The following DPY19L1 variants were observed in gnomAD, a reference collection of about 807,000 sequenced individuals.
The protein encoded by DPY19L1 is protein C-mannosyl-transferase DPY19L1.
A neutral mutation model predicts 96.9 loss-of-function variants in DPY19L1; 35 were observed. The observed-to-expected ratio is 0.36, with a 90% CI of 0.28 to 0.48. The LOEUF is 0.48. Ranked by LOEUF, DPY19L1 falls within the 20% of genes least tolerant of loss-of-function variation. The pLI is 0.99. For missense variants in DPY19L1, 521 were observed against 777.9 expected (o/e 0.67, Z 3.93); for synonymous variants, 205 against 252.6 (o/e 0.81, Z 1.79).
At chr7:34,973,689 T>G in intron 7 of DPY19L1, 84 bp from the exon 8 acceptor site, 1 of 682,936 alleles carries the variant, frequency 1.5e-6, no homozygotes, top group Admixed American at 4.3e-5. Context: ...TAAATAAAAT[T>G]ATTTTTAACA....
At chr7:35,009,923 A>G (rs1785662306) in intron 6 of DPY19L1, among the ~76,000 whole-genome samples, 1 of 152,160 alleles carries the variant, frequency 6.6e-6, no homozygotes, top group African/African-American at 2.4e-5. Context: ...CTTATGTTCA[A>G]ATGCCTATGA....
intron 7 of DPY19L1, among the ~76,000 whole-genome samples, chr7:34,982,949 T>C (rs1342967963): frequency 6.6e-6 from 1 of 152,140 alleles, no homozygotes; most frequent in Non-Finnish European, 1.5e-5. Context: ...CCCTTCCCAG[T>C]TTAAAGAATG....
In DPY19L1 at chr7:34,929,808, A is replaced by G. The variant is rs889055229; in HGVS notation, c.*1765T>C. 3.3e-5 allele frequency: 5 copies of G among 152,186 alleles called. No individual in the cohort carries two copies. Among genetic ancestry groups the G allele is most frequent in the African/African-American group, 1.2e-4 (5 of 41,446 alleles). The allele number at this position is 152,186 out of a possible 1,614,324, so 9.4% of individuals were successfully genotyped here. On this transcript the variant is annotated 3_prime_UTR_variant, in exon 22 of 22. Coordinates refer to ENST00000638088, the MANE Select transcript of DPY19L1 (RefSeq NM_001366673.1). ...GCTTCCCTATTTTCTAAAACTAGCA[A>G]AAGCCTAAGAAATAAAAACAGTCAA...
At chr7:34,965,146 T>A (rs1279551544) in intron 10 of DPY19L1, among the ~76,000 whole-genome samples, 1 of 152,156 alleles carries the variant, frequency 6.6e-6, no homozygotes, top group Non-Finnish European at 1.5e-5. Context: ...GTAAATACCC[T>A]AGAGAAACTC....
Position 34,966,978 on chromosome 7 carries a change from T to G in DPY19L1, c.1015-7A>C, listed in dbSNP as rs754139244. On this transcript the variant is annotated splice_polypyrimidine_tract_variant and splice_region_variant and intron_variant, in intron 9 of 21. Coordinates refer to ENST00000638088, the MANE Select transcript of DPY19L1 (RefSeq NM_001366673.1). ...CTGCAAATAATGATGCAATCTGAAA[T>G]TTAAAAAGAAATTAGAAGTAAAAAA... 52 of 1,514,014 alleles carry G rather than the reference T, an allele frequency of 3.4e-5. No individual in the cohort carries two copies. In the South Asian group the frequency reaches 5.8e-4, roughly 17 times the overall value. The allele number at this position is 1,514,014 out of a possible 1,614,324, so 93.8% of individuals were successfully genotyped here.
At chr7:34,940,700 G>T in intron 18 of DPY19L1, 1 of 171,246 alleles carries the variant, frequency 5.8e-6, no homozygotes. Flanking sequence ...TGAATGTGAG[G>T]TCCTGTGTGA....
intron 3 of DPY19L1, 94 bp downstream of exon 3, chr7:35,017,788 T>C: frequency 9.1e-6 from 9 of 986,800 alleles, no homozygotes; most frequent in Non-Finnish European, 1.3e-5. Context: ...CTACTCTTTC[T>C]ACTTTGGAAC....
chr7:35,022,905 T>C (rs1194274548), intron 1 of DPY19L1, among the ~76,000 whole-genome samples: 2 of 152,144 alleles, frequency 1.3e-5, no homozygotes, highest in African/African-American at 2.4e-5. Context: ...CAGGTCCCGG[T>C]CCCGGACGCC....
chr7:34,953,630 G>A (rs752040206), intron 13 of DPY19L1, among the ~76,000 whole-genome samples: 14 of 152,020 alleles, frequency 9.2e-5, no homozygotes, highest in East Asian at 1.9e-4. Flanking sequence ...CCTATTTTCC[G>A]AATTTTCCGC....
rs765954842 is a variant in DPY19L1, at chr7:34,966,933, A to T, written c.1053T>A (p.Ile351=). 4.5e-6 allele frequency: 7 copies of T among 1,546,690 alleles called. No homozygotes were observed. The Admixed American group carries it at 1.5e-4, about 33-fold the overall frequency. Residue 351 remains isoleucine (I), a synonymous_variant, in exon 10 of 22, where the codon ATT becomes ATA. Transcript: ENST00000638088. Reference sequence around the variant, plus strand: ...TGATCTTCCGTAATTTACATATATCAATGTACCCGACAACATATACTGCAA... The same window carrying T: ...TGATCTTCCGTAATTTACATATATCTATGTACCCGACAACATATACTGCAA... ...SLFAVYVVGY[I]DICKLRKIIY...
chr7:34,977,941 A>G (rs1436718381), intron 7 of DPY19L1, among the ~76,000 whole-genome samples: 1 of 152,148 alleles, frequency 6.6e-6, no homozygotes, highest in Admixed American at 6.5e-5. Flanking sequence ...TTTAGCACAC[A>G]TTTCATAACA....
intron 4 of DPY19L1, among the ~76,000 whole-genome samples, chr7:35,012,964 A>T (rs552102511): frequency 8.7e-5 from 13 of 149,674 alleles, no homozygotes; most frequent in South Asian, 6.3e-4. Context: ...TATATATATA[A>T]AATCAATGAA....
At chr7:34,977,703 T>C (rs1294893064) in intron 7 of DPY19L1, among the ~76,000 whole-genome samples, 1 of 152,224 alleles carries the variant, frequency 6.6e-6, no homozygotes, top group Non-Finnish European at 1.5e-5. Flanking sequence ...AAATATTTTT[T>C]CTTTATCTCA....
chr7:34,971,772 G>C (rs546824473), intron 8 of DPY19L1, among the ~76,000 whole-genome samples: 4 of 152,120 alleles, frequency 2.6e-5, no homozygotes, highest in Non-Finnish European at 4.4e-5. Context: ...CCCAACAGAA[G>C]GCAGCTCTTG....
At chr7:34,964,955 C>A (rs1317110435) in intron 10 of DPY19L1, among the ~76,000 whole-genome samples, 1 of 151,926 alleles carries the variant, frequency 6.6e-6, no homozygotes. Flanking sequence ...AGAGAAAATG[C>A]AAATTAAGGT....
At chr7:35,037,777 G>A, upstream of DPY19L1, 5 of 1,172,990 alleles carry the variant, frequency 4.3e-6, no homozygotes, top group Non-Finnish European at 5.3e-6. Context: ...GACTTCCGGC[G>A]CAGGCGGGGC....
chr7:34,975,356 C>T (rs1784810019), intron 7 of DPY19L1, among the ~76,000 whole-genome samples: 2 of 152,302 alleles, frequency 1.3e-5, no homozygotes, highest in Non-Finnish European at 2.9e-5. Flanking sequence ...AGCCACATTT[C>T]CTTAAGTCAA....
At chr7:34,953,242 T>C (rs1784305660) in intron 13 of DPY19L1, among the ~76,000 whole-genome samples, 1 of 152,196 alleles carries the variant, frequency 6.6e-6, no homozygotes. Flanking sequence ...GTTACGTATT[T>C]CTAAAAATAC....
chr7:35,034,843 T>A (rs1786348146), intron 1 of DPY19L1, among the ~76,000 whole-genome samples: 1 of 152,240 alleles, frequency 6.6e-6, no homozygotes, highest in South Asian at 2.1e-4. Context: ...CAAAAGAATA[T>A]GCAATGCAAT....
Sources: allele counts gnomAD v4.1 joint callset (sites outside exome capture counted in the v4.1 genomes callset), GRCh38; gene constraint gnomAD v4.1.1; transcripts MANE v1.5; gene names NCBI Gene and HGNC (gene_info 2026-07-23, HGNC 2026-07-21).